DPY19L2: variants seen among roughly 807,000 people sequenced by gnomAD.
DPY19L2 encodes the protein probable C-mannosyltransferase DPY19L2.
Under a neutral mutation model 97.9 loss-of-function variants are expected in DPY19L2, and 34 were observed. The ratio of observed to expected loss-of-function variants is 0.35; its 90% CI spans 0.26 to 0.46. DPY19L2 has a LOEUF of 0.46. Ranked by LOEUF, DPY19L2 falls within the 20% of genes least tolerant of loss-of-function variation. The probability of loss-of-function intolerance (pLI) is 1.00; values close to 1 mark genes in which losing one functional copy is unlikely to be tolerated. For synonymous variants in DPY19L2, 230 were observed against 307.9 expected, an observed-to-expected ratio of 0.75 and a Z score of 2.65; for missense variants, 623 against 911.4, an observed-to-expected ratio of 0.68 and a Z score of 4.07.
intron 19 of DPY19L2, among the ~76,000 whole-genome samples, chr12:63,580,411 G>C (rs1880661876): frequency 6.6e-6 from 1 of 152,058 alleles, no homozygotes. Flanking sequence ...TTAATTTCCT[G>C]GTGCTAATTT....
intron 16 of DPY19L2, among the ~76,000 whole-genome samples, chr12:63,589,038 C>T (rs186856374): frequency 0.016 from 2,488 of 151,920 alleles, 78 homozygotes; most frequent in African/African-American, 0.056. Context: ...CAGGCGTGAG[C>T]CACCGCGCCT....
chr12:63,575,805 T>C (rs1879707042), intron 19 of DPY19L2, among the ~76,000 whole-genome samples: 1 of 151,782 alleles, frequency 6.6e-6, no homozygotes, highest in South Asian at 2.1e-4. Context: ...TAATCAAAAG[T>C]CTCTCAGCAA....
At chr12:63,579,185 A>T (rs1328753844) in intron 19 of DPY19L2, among the ~76,000 whole-genome samples, 1 of 152,204 alleles carries the variant, frequency 6.6e-6, no homozygotes, top group Non-Finnish European at 1.5e-5. Context: ...GTCTCCATTT[A>T]GCCTACTATA....
Position 63,664,093 on chromosome 12 carries a change from T to C in DPY19L2, c.363-248A>G, listed in dbSNP as rs74984807. On this transcript the variant is annotated intron_variant, in intron 2 of 21. Transcript: ENST00000324472. ...GCCTCATGCCTGTAATCCCAGCACT[T>C]TGGGAGCCCGAGGCAGGCAGATCAC... Among the ~76,000 whole-genome samples the C allele has an allele frequency of 4.6e-5, 7 of 152,050 alleles. No individual in the cohort carries two copies. The East Asian group carries it at 1.2e-3, about 25-fold the overall frequency.
chr12:63,664,238 G>A (rs1442105142), intron 2 of DPY19L2, among the ~76,000 whole-genome samples: 1 of 152,066 alleles, frequency 6.6e-6, no homozygotes, highest in Non-Finnish European at 1.5e-5. Flanking sequence ...TAGGGAGGCT[G>A]AGGCAGGAGA....
chr12:63,611,443 G>A (rs1219243098), intron 11 of DPY19L2, among the ~76,000 whole-genome samples: 4 of 151,718 alleles, frequency 2.6e-5, no homozygotes, highest in African/African-American at 7.3e-5. Context: ...ACACAGCCCC[G>A]ATATGAGAAG....
chr12:63,629,316 G>GA, intron 6 of DPY19L2, among the ~76,000 whole-genome samples: 1 of 151,854 alleles, frequency 6.6e-6, no homozygotes, highest in Non-Finnish European at 1.5e-5. Flanking sequence ...TAAAAACCTT[G>GA]AAAAAAAATT....
At chr12:63,627,452 C>A (rs1272792861) in intron 6 of DPY19L2, among the ~76,000 whole-genome samples, 1 of 151,860 alleles carries the variant, frequency 6.6e-6, no homozygotes, top group East Asian at 1.9e-4. Context: ...CTGGTTCAAG[C>A]CGATTCTTCT....
chr12:63,665,146 A>G (rs953441726), intron 2 of DPY19L2, among the ~76,000 whole-genome samples: 1 of 152,108 alleles, frequency 6.6e-6, no homozygotes, highest in Non-Finnish European at 1.5e-5. Context: ...CTGATTTCCA[A>G]TTGGCAGGTG....
chr12:63,656,782 C>T (rs948859963), intron 4 of DPY19L2, among the ~76,000 whole-genome samples: 1 of 152,064 alleles, frequency 6.6e-6, no homozygotes, highest in Non-Finnish European at 1.5e-5. Context: ...TATCTTCAAA[C>T]TCATTGATTA....
intron 21 of DPY19L2, among the ~76,000 whole-genome samples, chr12:63,562,143 C>T (rs1876661758): frequency 6.6e-6 from 1 of 152,038 alleles, no homozygotes; most frequent in African/African-American, 2.4e-5. Context: ...CAATAAGCTG[C>T]ACATATTTAG....
intron 19 of DPY19L2, among the ~76,000 whole-genome samples, chr12:63,579,263 CA>C (rs1880447335): frequency 6.6e-6 from 1 of 152,164 alleles, no homozygotes; most frequent in Non-Finnish European, 1.5e-5. Flanking sequence ...GAGTGGACCA[CA>C]AGCTGGATTT....
At chr12:63,581,300 C>A (rs913531888) in intron 18 of DPY19L2, among the ~76,000 whole-genome samples, 3 of 151,928 alleles carry the variant, frequency 2.0e-5, no homozygotes, top group Non-Finnish European at 4.4e-5. Context: ...TGTAGAAGTA[C>A]CTTAGGCCCA....
At chr12:63,629,048 C>T (rs1890103258) in intron 6 of DPY19L2, among the ~76,000 whole-genome samples, 1 of 152,066 alleles carries the variant, frequency 6.6e-6, no homozygotes, top group African/African-American at 2.4e-5. Context: ...AGGACACCCA[C>T]ACCAAAACCC....
intron 11 of DPY19L2, among the ~76,000 whole-genome samples, chr12:63,610,706 A>T (rs1172068122): frequency 4.6e-5 from 7 of 150,978 alleles, no homozygotes; most frequent in Non-Finnish European, 1.0e-4. Flanking sequence ...ATTCACACCA[A>T]TCCTTCTCAA....
intron 21 of DPY19L2, among the ~76,000 whole-genome samples, chr12:63,568,411 T>C (rs1229335132): frequency 6.6e-6 from 1 of 152,100 alleles, no homozygotes; most frequent in African/African-American, 2.4e-5. Context: ...TTTTAATTCA[T>C]TGAATACATT....
Position 63,647,535 on chromosome 12 carries a change from G to A in DPY19L2, c.589-170C>T, listed in dbSNP as rs562184316. 6.5e-4 allele frequency among the ~76,000 whole-genome samples: 99 copies of A among 152,072 alleles called. 1 individual carries two copies. Among genetic ancestry groups the A allele is most frequent in the Admixed American group, 1.0e-3 (16 of 15,258 alleles). Reference sequence around the variant, plus strand: ...AAACCATCATTCTTGGCAAACTATCGCAAGGACATAAAAACAAACACTGCG... The same window carrying A: ...AAACCATCATTCTTGGCAAACTATCACAAGGACATAAAAACAAACACTGCG... On this transcript the variant is annotated intron_variant, in intron 4 of 21. Transcript: ENST00000324472.
chr12:63,659,377 A>C (rs1471688212), intron 4 of DPY19L2, among the ~76,000 whole-genome samples: 1 of 152,156 alleles, frequency 6.6e-6, no homozygotes, highest in Non-Finnish European at 1.5e-5. Context: ...ATGGAGATCT[A>C]TACCATGATC....
At position 63,597,806 on chromosome 12, in the gene DPY19L2, T is replaced by C. The variant is rs757917110; in HGVS notation, c.1461+3A>G. ...TAGAGAAGGAAAAAAGAAACATTCATACCGCTTTTTCCATGAAGTCAAATT... is the reference window on the plus strand; with the variant it reads ...TAGAGAAGGAAAAAAGAAACATTCACACCGCTTTTTCCATGAAGTCAAATT... On this transcript the variant is annotated splice_donor_region_variant and intron_variant, in intron 14 of 21. Transcript: ENST00000324472. The C allele has an allele frequency of 1.2e-6, 2 of 1,602,810 alleles. No individual in the cohort carries two copies. Among genetic ancestry groups the C allele is most frequent in the Non-Finnish European group, 1.7e-6 (2 of 1,173,418 alleles).
Sources: allele counts gnomAD v4.1 joint callset (sites outside exome capture counted in the v4.1 genomes callset), GRCh38; gene constraint gnomAD v4.1.1; transcripts MANE v1.5; gene names NCBI Gene and HGNC (gene_info 2026-07-23, HGNC 2026-07-21).